The following TNFRSF8 variants were observed in gnomAD, a reference collection of about 807,000 sequenced individuals.
TNFRSF8 encodes the protein tumor necrosis factor receptor superfamily member 8.
In TNFRSF8, 26 loss-of-function variants were observed where a neutral mutation model predicts 70.8. The observed-to-expected ratio is 0.37, with a 90% CI of 0.27 to 0.51. TNFRSF8 has a LOEUF of 0.51. Among genes scored for constraint, TNFRSF8 ranks in the 20% least tolerant of loss-of-function variants. The pLI is 0.94. For missense variants in TNFRSF8, 720 were observed against 807.9 expected (o/e 0.89, Z 1.32); for synonymous variants, 356 against 339.2 (o/e 1.05, Z -0.54).
chr1:12,112,126 C>T lies in TNFRSF8; in HGVS notation c.793+112C>T, dbSNP rs1013841459. ...TGTGGGTTTTTGATGGGGGTCGCCTCTTTTCAGAGGGCTTCCATTGGCATA... is the reference window on the plus strand; with the variant it reads ...TGTGGGTTTTTGATGGGGGTCGCCTTTTTTCAGAGGGCTTCCATTGGCATA... On this transcript the variant is annotated intron_variant, in intron 7 of 14. Coordinates refer to ENST00000263932, the MANE Select transcript of TNFRSF8 (RefSeq NM_001243.5). The surrounding 1 kb of genome is among the most constrained non-coding windows in gnomAD (Gnocchi z 5.3). 4.2e-6 allele frequency: 3 copies of T among 707,470 alleles called. No homozygotes were observed. Among genetic ancestry groups the T allele is most frequent in the Non-Finnish European group, 7.2e-6 (3 of 417,980 alleles). The allele number at this position is 707,470 out of a possible 1,614,324, so 43.8% of individuals were successfully genotyped here.
rs201745312 is a variant in TNFRSF8 at position 12,109,573 on chromosome 1, G to A, written c.429G>A (p.Ala143=). ...CTGCTGTCCCCCCTGCAGGCACGGC[G>A]CAGAAGAACACGGTCTGTGAGCCGG... ...AGMIVKFPGT[A]QKNTVCEPAS... The change falls in exon 5 of 15, where the codon GCG becomes GCA. Residue 143 remains alanine, a synonymous_variant. Coordinates refer to ENST00000263932, the MANE Select transcript of TNFRSF8 (RefSeq NM_001243.5). This position sits in a 1 kb window ranked among gnomAD's most constrained non-coding sequence, Gnocchi z 4.4. 10 of 1,613,490 alleles carry A rather than the reference G, an allele frequency of 6.2e-6. No homozygotes were observed. Among genetic ancestry groups the A allele is most frequent in the East Asian group, 2.2e-5 (1 of 44,878 alleles).
Position 12,105,340 on chromosome 1 carries a change from C to T in TNFRSF8, c.421+809C>T, listed in dbSNP as rs11569863. On this transcript the variant is annotated intron_variant, in intron 4 of 14. Transcript: ENST00000263932. ...CCTGGGGATTGGCAGTCACCCCCAT[C>T]GCTACCACTGCCTGCCCCTTTTATC... is the stretch of plus-strand genomic sequence containing the variant. Among the ~76,000 whole-genome samples, 1,419 of 152,280 alleles carry T rather than the reference C, an allele frequency of 9.3e-3. 10 individuals are homozygous for T. The highest frequency in any genetic ancestry group is 0.015 in the Non-Finnish European group (1,044 of 68,014).
intron 2 of TNFRSF8, among the ~76,000 whole-genome samples, chr1:12,092,353 G>C (rs985403434): frequency 1.3e-5 from 2 of 151,834 alleles, no homozygotes; most frequent in African/African-American, 4.8e-5. Flanking sequence ...ATTTTCTATT[G>C]TTGTAGATGG....
rs573601998 is a variant in TNFRSF8, at chr1:12,067,654, T to C, written c.63+3993T>C. On this transcript the variant is annotated intron_variant, in intron 1 of 14. Coordinates refer to ENST00000263932, the MANE Select transcript of TNFRSF8 (RefSeq NM_001243.5). ...CAGTGAGCCAGCACTCCCGCCTGGG[T>C]GGCAGTGAGACTGTATTTAAAAAAA... is the stretch of plus-strand genomic sequence containing the variant. Among the ~76,000 whole-genome samples, 5 of 151,466 alleles carry C rather than the reference T, an allele frequency of 3.3e-5. No individual in the cohort carries two copies. The East Asian group carries it at 7.7e-4, about 23-fold the overall frequency.
rs902586693 is a variant in TNFRSF8, at chr1:12,113,749, AAGAG to A, written c.793+1747_793+1750del. On this transcript the variant is annotated intron_variant, in intron 7 of 14. Coordinates refer to ENST00000263932, the MANE Select transcript of TNFRSF8 (RefSeq NM_001243.5). The surrounding 1 kb of genome is among the most constrained non-coding windows in gnomAD (Gnocchi z 4.9). ...AGTGTGACAGAGAGAAAGACAGAGAAAGAGAGAGAGAGAGACAGAAAGAGAGAGA... is the reference window on the plus strand; with the variant it reads ...AGTGTGACAGAGAGAAAGACAGAGAAAGAGAGAGAGACAGAAAGAGAGAGA... Among the ~76,000 whole-genome samples, 2 of 145,844 alleles carry A rather than the reference AAGAG, an allele frequency of 1.4e-5. No homozygotes were observed. The highest frequency in any genetic ancestry group is 2.2e-4 in the South Asian group (1 of 4,478).
chr1:12,089,282 G>A (rs1407129779), intron 2 of TNFRSF8, among the ~76,000 whole-genome samples: 1 of 151,996 alleles, frequency 6.6e-6, no homozygotes, highest in East Asian at 1.9e-4. Context: ...TGACCCCAGG[G>A]CTTGGCACAT....
At chr1:12,093,442 A>T (rs1641279150) in intron 2 of TNFRSF8, among the ~76,000 whole-genome samples, 1 of 152,150 alleles carries the variant, frequency 6.6e-6, no homozygotes. Flanking sequence ...ATGCCGTATG[A>T]ACTAGGTTGA....
At position 12,100,669 on chromosome 1, in the gene TNFRSF8, C is replaced by G. The variant is rs374644309; in HGVS notation, c.268+3452C>G. ...ACCGTCTTCCTCCTCCAAATCTTGT[C>G]CCATTGGCAGCGTGCAGTGACTCAC... On this transcript the variant is annotated intron_variant, in intron 3 of 14. Coordinates refer to ENST00000263932, the MANE Select transcript of TNFRSF8 (RefSeq NM_001243.5). Among the ~76,000 whole-genome samples the G allele has an allele frequency of 6.6e-5, 10 of 152,194 alleles. No homozygotes were observed. The East Asian group carries it at 1.9e-3, about 29-fold the overall frequency.
rs181381358 is a variant in TNFRSF8, at chr1:12,109,311, A to G, written c.422-255A>G. 9.9e-5 allele frequency among the ~76,000 whole-genome samples: 15 copies of G among 152,148 alleles called. No homozygotes were observed. Among genetic ancestry groups the G allele is most frequent in the Admixed American group, 6.5e-4 (10 of 15,278 alleles). ...ATTGGTCCAGCCTGGTCTCATGGCC[A>G]CTCGGGAAAGGGGGTTCAGTCGGTC... On this transcript the variant is annotated intron_variant, in intron 4 of 14. Transcript: ENST00000263932. The surrounding 1 kb of genome is among the most constrained non-coding windows in gnomAD (Gnocchi z 4.4).
At chr1:12,086,841 T>G (rs1225986843) in intron 2 of TNFRSF8, among the ~76,000 whole-genome samples, 1 of 151,820 alleles carries the variant, frequency 6.6e-6, no homozygotes, top group Non-Finnish European at 1.5e-5. Flanking sequence ...TCCCCCTGGA[T>G]TAGGGCCCCA....
At chr1:12,097,824 G>A (rs11569839) in intron 3 of TNFRSF8, among the ~76,000 whole-genome samples, 12,449 of 152,198 alleles carry the variant, frequency 0.082, 695 homozygotes, top group South Asian at 0.16. Context: ...TATTTTCAGA[G>A]TGTTCAGTGT....
At chr1:12,100,620 C>T (rs1641405842) in intron 3 of TNFRSF8, among the ~76,000 whole-genome samples, 1 of 152,126 alleles carries the variant, frequency 6.6e-6, no homozygotes, top group Non-Finnish European at 1.5e-5. Context: ...CCGAGGCCTA[C>T]ACAGAGTCAG....
chr1:12,122,051 G>A (rs1641839088), intron 8 of TNFRSF8, among the ~76,000 whole-genome samples: 1 of 152,118 alleles, frequency 6.6e-6, no homozygotes, highest in South Asian at 2.1e-4. Flanking sequence ...TGGTTGCCTG[G>A]ATCTGGAGGT....
intron 3 of TNFRSF8, among the ~76,000 whole-genome samples, 189 bp downstream of exon 3, chr1:12,097,406 A>G (rs537562772): frequency 1.3e-5 from 2 of 152,150 alleles, no homozygotes; most frequent in South Asian, 4.1e-4. Flanking sequence ...TTGCATCCAT[A>G]CTTTCACAGA....
At chr1:12,115,970 T>C (rs1201599229) in intron 8 of TNFRSF8, among the ~76,000 whole-genome samples, 5 of 152,150 alleles carry the variant, frequency 3.3e-5, no homozygotes, top group Non-Finnish European at 7.4e-5. Context: ...TTCCTGAAAT[T>C]ATTGGGCTGG....
intron 2 of TNFRSF8, among the ~76,000 whole-genome samples, chr1:12,086,196 A>G (rs111972231): frequency 1.3e-4 from 20 of 152,302 alleles, no homozygotes; most frequent in African/African-American, 4.1e-4. Context: ...CAACTCCCCC[A>G]TGAGATGCAG....
intron 2 of TNFRSF8, among the ~76,000 whole-genome samples, chr1:12,095,635 G>A (rs1298507541): frequency 6.6e-6 from 1 of 152,174 alleles, no homozygotes; most frequent in Non-Finnish European, 1.5e-5. Flanking sequence ...CATATTCCAA[G>A]GTAGTTGGAT....
At chr1:12,086,214 T>C (rs1416546489) in intron 2 of TNFRSF8, among the ~76,000 whole-genome samples, 1 of 152,240 alleles carries the variant, frequency 6.6e-6, no homozygotes, top group Non-Finnish European at 1.5e-5. Flanking sequence ...CAGACCAGGC[T>C]CGTGCTCAGG....
At chr1:12,140,501 A>G (rs1027084284) in intron 14 of TNFRSF8, among the ~76,000 whole-genome samples, 16 of 152,168 alleles carry the variant, frequency 1.1e-4, no homozygotes. Context: ...GGGAGGGGGC[A>G]GGAAATCCAT....
Sources: gnomAD v4.1 joint callset for allele counts (sites outside exome capture counted in the v4.1 genomes callset) on GRCh38, gnomAD v4.1.1 for gene constraint, Gnocchi (gnomAD v3.1) non-coding constraint, MANE v1.5 for transcripts, NCBI Gene and HGNC (gene_info 2026-07-23, HGNC 2026-07-21) for gene names.